Variants in PPP6R3 observed in about 807,000 individuals in gnomAD.
The protein encoded by PPP6R3 is protein phosphatase 6 regulatory subunit 3.
Under a neutral mutation model 110.7 loss-of-function variants are expected in PPP6R3, and 38 were observed. The ratio of observed to expected loss-of-function variants is 0.34; its 90% CI spans 0.26 to 0.45. PPP6R3 has a LOEUF of 0.45. Among genes scored for constraint, PPP6R3 ranks in the 20% least tolerant of loss-of-function variants. The pLI is 1.00. For synonymous variants in PPP6R3, 369 were observed against 373.5 expected (o/e 0.99, Z 0.14); for missense variants, 870 against 1,062.4 (o/e 0.82, Z 2.52).
intron 9 of PPP6R3, among the ~76,000 whole-genome samples, chr11:68,565,865 A>G (rs893445569): frequency 8.5e-5 from 13 of 152,138 alleles, no homozygotes; most frequent in African/African-American, 9.7e-5. Context: ...AAGCCTGCCA[A>G]TTAGAGCTGT....
chr11:68,483,513 C>T (rs1325953566), intron 1 of PPP6R3, among the ~76,000 whole-genome samples: 3 of 152,200 alleles, frequency 2.0e-5, no homozygotes, highest in Non-Finnish European at 4.4e-5. Context: ...GTTACACATT[C>T]TATAAGTTTT....
At chr11:68,481,486 A>G (rs549171161) in intron 1 of PPP6R3, among the ~76,000 whole-genome samples, 1 of 152,366 alleles carries the variant, frequency 6.6e-6, no homozygotes, top group South Asian at 2.1e-4. Context: ...TCAAACTTCA[A>G]AGAGCCAAGC....
At chr11:68,511,161 G>A (rs940304889) in intron 1 of PPP6R3, among the ~76,000 whole-genome samples, 4 of 150,676 alleles carry the variant, frequency 2.7e-5, no homozygotes, top group African/African-American at 7.4e-5. Context: ...TCTGCCTCCC[G>A]GGTTCAAGCG....
In PPP6R3 at chr11:68,593,823, A is replaced by G. The variant is rs147273161; in HGVS notation, c.1916+2117A>G. On this transcript the variant is annotated intron_variant, in intron 18 of 23. Transcript: ENST00000393800. The stretch of plus-strand genomic sequence containing the variant: ...TGCTTGAGCCCAGGAGTTTGAGACC[A>G]GCCTAGGCAACATGGCAAAACCCTG... Among the ~76,000 whole-genome samples, 514 of 152,302 alleles carry G rather than the reference A, an allele frequency of 3.4e-3. 2 individuals carry two copies. Among genetic ancestry groups the G allele is most frequent in the African/African-American group, 0.012 (493 of 41,576 alleles).
chr11:68,614,564 T>G lies in PPP6R3; in HGVS notation c.*1447T>G. The G allele has an allele frequency of 2.0e-6, 3 of 1,500,712 alleles. No homozygotes were observed. Among genetic ancestry groups the G allele is most frequent in the Non-Finnish European group, 2.6e-6 (3 of 1,135,454 alleles). 93.0% of individuals were successfully genotyped at this position (1,500,712 alleles called of 1,614,324 possible). ...CAAGCAGCGTGCCTAAACATTACATTGCATATGGAAATAAAAGAATCAAAC... is the reference window on the plus strand; with the variant it reads ...CAAGCAGCGTGCCTAAACATTACATGGCATATGGAAATAAAAGAATCAAAC... On this transcript the variant is annotated 3_prime_UTR_variant, in exon 24 of 24. Transcript: ENST00000393800.
chr11:68,569,543 A>G (rs1469746195), intron 10 of PPP6R3, among the ~76,000 whole-genome samples: 1 of 152,208 alleles, frequency 6.6e-6, no homozygotes, highest in Admixed American at 6.5e-5. Context: ...TTTTCAGATC[A>G]TGGTTGACTG....
At chr11:68,573,660 A>G (rs543963428) in intron 12 of PPP6R3, among the ~76,000 whole-genome samples, 1 of 152,362 alleles carries the variant, frequency 6.6e-6, no homozygotes, top group Non-Finnish European at 1.5e-5. Context: ...CATTGATATA[A>G]TAAAAATTTG....
At chr11:68,592,777 T>A (rs958135059) in intron 18 of PPP6R3, among the ~76,000 whole-genome samples, 1 of 152,232 alleles carries the variant, frequency 6.6e-6, no homozygotes, top group African/African-American at 2.4e-5. Flanking sequence ...TTGGATAAAG[T>A]CACACTCAGA....
At chr11:68,467,384 T>A (rs1311432622) in intron 1 of PPP6R3, among the ~76,000 whole-genome samples, 3 of 152,176 alleles carry the variant, frequency 2.0e-5, no homozygotes, top group Non-Finnish European at 4.4e-5. Flanking sequence ...CAAGAAAAGA[T>A]GAATGAAAGA....
At chr11:68,513,522 C>G (rs2099121081) in intron 1 of PPP6R3, among the ~76,000 whole-genome samples, 1 of 152,178 alleles carries the variant, frequency 6.6e-6, no homozygotes, top group South Asian at 2.1e-4. Flanking sequence ...AAACAGACAG[C>G]ATGTACTTAA....
Position 68,613,930 on chromosome 11 carries a change from G to A in PPP6R3, c.*813G>A, listed in dbSNP as rs878878093. 2 of 905,822 alleles carry A rather than the reference G, an allele frequency of 2.2e-6. No individual in the cohort carries two copies. Among genetic ancestry groups the A allele is most frequent in the South Asian group, 5.3e-5 (1 of 19,010 alleles). 56.1% of individuals were successfully genotyped at this position (905,822 alleles called of 1,614,324 possible). On this transcript the variant is annotated 3_prime_UTR_variant, in exon 24 of 24. Coordinates refer to ENST00000393800, the MANE Select transcript of PPP6R3 (RefSeq NM_001164161.2). ...TTTTTTTTTTTTGGCTTTTGTTTTT[G>A]TTTGTTTTTTTGTTTCATTTGGTAG...
In PPP6R3 at chr11:68,476,355, G is replaced by C. The variant is rs1329024553; in HGVS notation, c.-158+15528G>C. Among the ~76,000 whole-genome samples, 7 of 152,030 alleles carry C rather than the reference G, an allele frequency of 4.6e-5. No individual in the cohort carries two copies. The South Asian group carries it at 8.3e-4, about 18-fold the overall frequency. On this transcript the variant is annotated intron_variant, in intron 1 of 23. Coordinates refer to ENST00000393800, the MANE Select transcript of PPP6R3 (RefSeq NM_001164161.2). ...GCGCACGCCTGCAATCGCAGGCACTGGGCAGGCTGAGGCAGGAGAATCAGG... is the reference window on the plus strand; with the variant it reads ...GCGCACGCCTGCAATCGCAGGCACTCGGCAGGCTGAGGCAGGAGAATCAGG...
intron 21 of PPP6R3, among the ~76,000 whole-genome samples, chr11:68,603,007 GT>G (rs2099636326): frequency 6.6e-6 from 1 of 152,176 alleles, no homozygotes; most frequent in South Asian, 2.1e-4. Context: ...AGGGTAGAGT[GT>G]GTAACTGCCT....
chr11:68,473,348 A>C (rs536167462), intron 1 of PPP6R3, among the ~76,000 whole-genome samples: 3 of 152,338 alleles, frequency 2.0e-5, no homozygotes, highest in African/African-American at 7.2e-5. Context: ...GAACACATGG[A>C]GGTTCCTGGA....
intron 8 of PPP6R3, among the ~76,000 whole-genome samples, chr11:68,561,531 AG>A (rs1013526727): frequency 1.3e-5 from 2 of 152,238 alleles, no homozygotes; most frequent in African/African-American, 4.8e-5. Flanking sequence ...GAGTGAATCA[AG>A]TCTAACAGTA....
intron 6 of PPP6R3, 141 bp downstream of exon 6, chr11:68,551,327 T>G: frequency 1.5e-6 from 1 of 647,100 alleles, no homozygotes; most frequent in Non-Finnish European, 2.6e-6. Flanking sequence ...GTTCTTAAAG[T>G]TGATACTTTT....
At chr11:68,511,463 A>AGAGTGT (rs1555082964) in intron 1 of PPP6R3, among the ~76,000 whole-genome samples, 1 of 138,512 alleles carries the variant, frequency 7.2e-6, no homozygotes, top group Admixed American at 7.3e-5. Context: ...ACTGTGTTAG[A>AGAGTGT]GTGTGTGTGT....
chr11:68,577,134 C>T (rs763788411), intron 14 of PPP6R3, among the ~76,000 whole-genome samples: 2 of 152,142 alleles, frequency 1.3e-5, no homozygotes, highest in Non-Finnish European at 2.9e-5. Flanking sequence ...GACCTAAGGC[C>T]TAATAGCCCG....
chr11:68,514,698 C>T (rs2099127285), intron 1 of PPP6R3, among the ~76,000 whole-genome samples: 1 of 152,248 alleles, frequency 6.6e-6, no homozygotes, highest in South Asian at 2.1e-4. Flanking sequence ...GATTCTCCTG[C>T]CTCAGGCTCC....
Sources: allele counts gnomAD v4.1 joint callset (sites outside exome capture counted in the v4.1 genomes callset), GRCh38; gene constraint gnomAD v4.1.1; transcripts MANE v1.5; gene names NCBI Gene and HGNC (gene_info 2026-07-23, HGNC 2026-07-21).